Variants in CDC26 observed in about 807,000 individuals in gnomAD.
CDC26 encodes the protein anaphase-promoting complex subunit CDC26.
CDC26 carries 2 observed loss-of-function variants against 8.0 expected under a neutral mutation model. The observed-to-expected ratio is 0.25, with a 90% confidence interval of 0.10 to 0.79. The LOEUF (loss-of-function observed/expected upper bound fraction) is 0.79. Among genes scored for constraint, CDC26 ranks in the 30% least tolerant of loss-of-function variants. The probability of loss-of-function intolerance (pLI) is 0.70; values close to 1 mark genes in which losing one functional copy is unlikely to be tolerated. For synonymous variants in CDC26, 19 were observed against 34.9 expected, an observed-to-expected ratio of 0.55 and a Z score of 1.60; for missense variants, 68 against 106.0, an observed-to-expected ratio of 0.64 and a Z score of 1.57.
intron 3 of CDC26, among the ~76,000 whole-genome samples, chr9:113,268,088 CAGAG>C (rs149063144): frequency 1.8e-4 from 28 of 152,204 alleles, no homozygotes; most frequent in African/African-American, 6.5e-4. Flanking sequence ...TGACCTATGA[CAGAG>C]AGAAGTCTAC....
At chr9:113,275,114 A>C (rs1832039017) in intron 1 of CDC26, among the ~76,000 whole-genome samples, 1 of 152,112 alleles carries the variant, frequency 6.6e-6, no homozygotes, top group Admixed American at 6.5e-5. Context: ...CTTCTAGCTT[A>C]ATCTCCCGCC....
chr9:113,271,015 G>A (rs569576923), intron 3 of CDC26, among the ~76,000 whole-genome samples: 7 of 152,298 alleles, frequency 4.6e-5, no homozygotes, highest in African/African-American at 1.2e-4. Flanking sequence ...GTTACTTAGC[G>A]CAGGACTGTA....
At position 113,267,311 on chromosome 9, in the gene CDC26, T is replaced by C; in HGVS notation, c.210A>G (p.Gln70=). The change falls in exon 4 of 4, where the codon CAA becomes CAG. Residue 70 remains glutamine, a synonymous_variant. Coordinates refer to ENST00000374206, the MANE Select transcript of CDC26 (RefSeq NM_139286.4). The stretch of plus-strand genomic sequence containing the variant: ...GAGATGAACGATTATTGGGCTTGGG[T>C]TGGGGTTTATAACCAATCCGATCAT... ...MINDRIGYKP[Q]PKPNNRSSQF... The C allele has an allele frequency of 1.3e-6, 2 of 1,577,450 alleles. No individual in the cohort carries two copies. The highest frequency in any genetic ancestry group is 1.7e-6 in the Non-Finnish European group (2 of 1,160,996).
At chr9:113,270,223 A>G (rs1831932255) in intron 3 of CDC26, among the ~76,000 whole-genome samples, 1 of 152,176 alleles carries the variant, frequency 6.6e-6, no homozygotes, top group Non-Finnish European at 1.5e-5. Context: ...ATTAAAGATA[A>G]CCCAGCAGTG....
chr9:113,274,098 T>C (rs1832011377), intron 1 of CDC26, among the ~76,000 whole-genome samples: 1 of 152,206 alleles, frequency 6.6e-6, no homozygotes, highest in African/African-American at 2.4e-5. Context: ...TTCTTTACAT[T>C]CTTATTTTAA....
intron 2 of CDC26, 94 bp downstream of exon 2, chr9:113,273,235 A>G (rs1224082865): frequency 6.6e-6 from 1 of 152,222 alleles, no homozygotes; most frequent in East Asian, 1.9e-4. Context: ...AAACCAGTGA[A>G]TTTAATCTAC....
chr9:113,271,672 T>C (rs971280733), intron 3 of CDC26, among the ~76,000 whole-genome samples: 2 of 152,164 alleles, frequency 1.3e-5, no homozygotes, highest in Non-Finnish European at 2.9e-5. Context: ...ATAATAAATT[T>C]CTGTTGTCTT....
At position 113,275,528 on chromosome 9, in the gene CDC26, T is replaced by C; in HGVS notation, c.-298A>G. On this transcript the variant is annotated 5_prime_UTR_variant, in exon 1 of 4. Coordinates refer to ENST00000374206, the MANE Select transcript of CDC26 (RefSeq NM_139286.4). ...TCTTCCGCGAGCTTTTCCTGGAGGT[T>C]CTAGGAGGGATGCCCCTCAATGCCA... 1.9e-6 allele frequency: 1 copy of C among 538,750 alleles called. No homozygotes were observed. The highest frequency in any genetic ancestry group is 2.3e-5 in the South Asian group (1 of 43,610). The allele number at this position is 538,750 out of a possible 1,614,324, so 33.4% of individuals were successfully genotyped here.
chr9:113,270,098 C>G (rs924942695), intron 3 of CDC26, among the ~76,000 whole-genome samples: 1 of 152,108 alleles, frequency 6.6e-6, no homozygotes. Context: ...GAGGTTAGCA[C>G]AGGAGGATAA....
Position 113,273,845 on chromosome 9 carries a change from A to AAG in CDC26, c.-151-409_-151-408dup, listed in dbSNP as rs1554722682. ...TCAAAAAAAAAAAAAAAAAAAAAAA[A>AAG]AGGCTCAAGAGAGCATTCCACAGCC... On this transcript the variant is annotated intron_variant, in intron 1 of 3. Transcript: ENST00000374206. Among the ~76,000 whole-genome samples the AAG allele has an allele frequency of 2.2e-3, 310 of 143,614 alleles. 28 individuals carry two copies. The highest frequency in any genetic ancestry group is 4.7e-3 in the African/African-American group (176 of 37,568). 94.2% of individuals were successfully genotyped at this position (143,614 alleles called of 152,430 possible). A position where few individuals can be genotyped will look rare whatever the true frequency, so the allele number is the denominator to read the frequency against.
intron 3 of CDC26, 41 bp downstream of exon 3, chr9:113,272,386 G>A (rs1465387852): frequency 1.4e-6 from 2 of 1,447,034 alleles, no homozygotes; most frequent in African/African-American, 1.4e-5. Flanking sequence ...GTGTGACAGA[G>A]CGAGACTCCA....
intron 3 of CDC26, among the ~76,000 whole-genome samples, chr9:113,269,233 TA>T (rs58607088): frequency 0.11 from 15,300 of 139,978 alleles, 1,240 homozygotes; most frequent in African/African-American, 0.23. Context: ...ACAATAAAAA[TA>T]AAAAAAAAAA....
At chr9:113,270,919 A>G (rs973200386) in intron 3 of CDC26, among the ~76,000 whole-genome samples, 1 of 152,222 alleles carries the variant, frequency 6.6e-6, no homozygotes, top group African/African-American at 2.4e-5. Flanking sequence ...ATCATTCTTG[A>G]TACTGGATGC....
At position 113,272,850 on chromosome 9, in the gene CDC26, C is replaced by T. The variant is rs538684331; in HGVS notation, c.-41-302G>A. ...GGGACTACAGGCGTACACCGCCATA[C>T]CTGGCTAATTTTTGTGTTTTTTGTA... On this transcript the variant is annotated intron_variant, in intron 2 of 3. Transcript: ENST00000374206. Among the ~76,000 whole-genome samples, 3 of 152,206 alleles carry T rather than the reference C, an allele frequency of 2.0e-5. No homozygotes were observed. The South Asian group carries it at 6.2e-4, about 32-fold the overall frequency.
chr9:113,267,238 C>T lies in CDC26; in HGVS notation c.*25G>A, dbSNP rs774930323. 1.5e-5 allele frequency: 21 copies of T among 1,393,270 alleles called. No individual in the cohort carries two copies. The highest frequency in any genetic ancestry group is 1.9e-5 in the Non-Finnish European group (19 of 1,026,918). 86.3% of individuals were successfully genotyped at this position (1,393,270 alleles called of 1,614,324 possible). A position where few individuals can be genotyped will look rare whatever the true frequency, so the allele number is the denominator to read the frequency against. On this transcript the variant is annotated 3_prime_UTR_variant, in exon 4 of 4. Coordinates refer to ENST00000374206, the MANE Select transcript of CDC26 (RefSeq NM_139286.4). Reference sequence around the variant, plus strand: ...GCCATCATTTTATTCCATTCCAGCGCTCTGGCATGCAAGATAATCCATCTC... The same window carrying T: ...GCCATCATTTTATTCCATTCCAGCGTTCTGGCATGCAAGATAATCCATCTC...
At chr9:113,268,958 TTAGC>T (rs1339630358) in intron 3 of CDC26, among the ~76,000 whole-genome samples, 2 of 152,174 alleles carry the variant, frequency 1.3e-5, no homozygotes, top group Non-Finnish European at 2.9e-5. Flanking sequence ...TTTCAACATG[TTAGC>T]TAGGATGGTC....
At chr9:113,267,563 C>A (rs1831882844) in intron 3 of CDC26, 124 bp from the exon 4 acceptor site, 3 of 1,272,090 alleles carry the variant, frequency 2.4e-6, no homozygotes, top group Non-Finnish European at 3.3e-6. Flanking sequence ...GAACAATAAA[C>A]TGAAATCCTA....
chr9:113,271,141 TGCTA>T (rs1831950192), intron 3 of CDC26, among the ~76,000 whole-genome samples: 1 of 152,198 alleles, frequency 6.6e-6, no homozygotes, highest in Non-Finnish European at 1.5e-5. Context: ...CAGGAATGAC[TGCTA>T]GGTTTCTGGC....
intron 3 of CDC26, among the ~76,000 whole-genome samples, chr9:113,269,027 T>TA (rs1831910250): frequency 6.6e-6 from 1 of 151,538 alleles, no homozygotes; most frequent in Non-Finnish European, 1.5e-5. Context: ...TGCTGGGGTT[T>TA]ACAGGCATGA....
Sources: gnomAD v4.1 joint callset for allele counts (sites outside exome capture counted in the v4.1 genomes callset) on GRCh38, gnomAD v4.1.1 for gene constraint, MANE v1.5 for transcripts, NCBI Gene and HGNC (gene_info 2026-07-23, HGNC 2026-07-21) for gene names.